CCDC191: variants seen among roughly 807,000 people sequenced by gnomAD.
The protein encoded by CCDC191 is coiled-coil domain containing 191, also known as coiled-coil domain-containing protein 191.
In CCDC191, 99 loss-of-function variants were observed where a neutral mutation model predicts 114.0. The observed-to-expected ratio is 0.87, with a 90% CI of 0.74 to 1.03. CCDC191 has a LOEUF of 1.03. Among genes scored for constraint, CCDC191 ranks in the 50% least tolerant of loss-of-function variants. The pLI is 0.00. For missense variants in CCDC191, 973 were observed against 1,087.0 expected (o/e 0.90, Z 1.47); for synonymous variants, 351 against 376.0 (o/e 0.93, Z 0.77).
intron 10 of CCDC191, among the ~76,000 whole-genome samples, chr3:114,005,007 C>G (rs2075925746): frequency 6.6e-6 from 1 of 152,208 alleles, no homozygotes; most frequent in Non-Finnish European, 1.5e-5. Flanking sequence ...TCTTATCCTA[C>G]CATTTACCAC....
At chr3:113,971,724 T>TGGAGGGAAGAA (rs1940844401) in intron 16 of CCDC191, among the ~76,000 whole-genome samples, 1 of 152,198 alleles carries the variant, frequency 6.6e-6, no homozygotes, top group East Asian at 1.9e-4. Flanking sequence ...TCTTCAGTTT[T>TGGAGGGAAGAA]TTTTTGAAGA....
At chr3:113,997,967 C>T (rs1390287417) in intron 13 of CCDC191, among the ~76,000 whole-genome samples, 1 of 151,440 alleles carries the variant, frequency 6.6e-6, no homozygotes, top group Non-Finnish European at 1.5e-5. Flanking sequence ...TTGAGAATGA[C>T]ACTATACTTT....
chr3:114,020,738 C>T (rs1365621517), intron 7 of CCDC191, among the ~76,000 whole-genome samples: 1 of 152,104 alleles, frequency 6.6e-6, no homozygotes, highest in Admixed American at 6.6e-5. Flanking sequence ...TTAAGAGATT[C>T]CTCTTGAATG....
chr3:113,975,954 C>G (rs1000471723), intron 16 of CCDC191, among the ~76,000 whole-genome samples: 1 of 152,166 alleles, frequency 6.6e-6, no homozygotes, highest in Non-Finnish European at 1.5e-5. Context: ...GACTATCTTA[C>G]TATTTTATAG....
At chr3:114,048,735 C>G (rs1306702028) in intron 2 of CCDC191, among the ~76,000 whole-genome samples, 2 of 152,188 alleles carry the variant, frequency 1.3e-5, no homozygotes, top group Non-Finnish European at 2.9e-5. Flanking sequence ...CTGATTGTCT[C>G]TATAGTACTT....
At chr3:114,025,739 T>A (rs1252257913) in intron 7 of CCDC191, among the ~76,000 whole-genome samples, 1 of 152,158 alleles carries the variant, frequency 6.6e-6, no homozygotes, top group Non-Finnish European at 1.5e-5. Flanking sequence ...TATCACCTTC[T>A]CTTTGCCTTC....
intron 2 of CCDC191, among the ~76,000 whole-genome samples, chr3:114,048,457 G>A (rs1177791165): frequency 2.0e-5 from 3 of 152,100 alleles, no homozygotes. Flanking sequence ...CAAGACTCTC[G>A]CTAATCTTCC....
At position 114,011,014 on chromosome 3, in the gene CCDC191, G is replaced by A. The variant is rs771382952; in HGVS notation, c.1171C>T (p.Gln391Ter). 1.2e-6 allele frequency: 2 copies of A among 1,610,172 alleles called. No individual in the cohort carries two copies. The highest frequency in any genetic ancestry group is 1.7e-5 in the Admixed American group (1 of 59,536). ...TTCCGGTTATACTCAGTGGCCAGTT[G>A]TTGTTTTCTAAGCAACAAAGCACTT... ...NDLREENRKQ[Q>*]LATEYNRKQV... is the part of the protein sequence containing the mutation. The change falls in exon 9 of 17, where the codon CAA becomes TAA. Residue 391 changes from glutamine to a stop codon, truncating the protein, a stop_gained. Coordinates refer to ENST00000295878, the MANE Select transcript of CCDC191 (RefSeq NM_020817.2). LOFTEE classifies it high-confidence loss of function.
intron 13 of CCDC191, chr3:113,984,311 CA>C (rs1315816295): frequency 6.6e-6 from 1 of 151,986 alleles, no homozygotes; most frequent in Non-Finnish European, 1.5e-5. Context: ...AATACCCGCC[CA>C]AATAGAAGAG....
chr3:113,988,998 A>T (rs1559886831), intron 13 of CCDC191, among the ~76,000 whole-genome samples: 1 of 152,060 alleles, frequency 6.6e-6, no homozygotes, highest in Admixed American at 6.5e-5. Flanking sequence ...GGGTTTCACC[A>T]TGTTAGCCAG....
At chr3:114,017,123 A>C (rs1413001910) in intron 8 of CCDC191, among the ~76,000 whole-genome samples, 1 of 147,146 alleles carries the variant, frequency 6.8e-6, no homozygotes, top group African/African-American at 2.5e-5. Flanking sequence ...TTTTTTTTTA[A>C]CCAAAGACTA....
intron 7 of CCDC191, among the ~76,000 whole-genome samples, chr3:114,026,555 T>C (rs774066589): frequency 1.3e-5 from 2 of 152,218 alleles, no homozygotes; most frequent in Non-Finnish European, 2.9e-5. Context: ...GGATGGTTGC[T>C]ATGTGTCAGC....
At chr3:113,977,028 A>C (rs1185516038) in intron 16 of CCDC191, among the ~76,000 whole-genome samples, 3 of 152,204 alleles carry the variant, frequency 2.0e-5, no homozygotes, top group Non-Finnish European at 4.4e-5. Context: ...CCCTCATGGC[A>C]ATAAGATAGG....
At chr3:114,048,059 G>A (rs1165353345) in intron 2 of CCDC191, among the ~76,000 whole-genome samples, 1 of 152,110 alleles carries the variant, frequency 6.6e-6, no homozygotes, top group Admixed American at 6.5e-5. Flanking sequence ...CATGATTGCT[G>A]TGTTTCTTCC....
intron 14 of CCDC191, among the ~76,000 whole-genome samples, chr3:113,979,832 A>G (rs1031221729): frequency 6.6e-6 from 1 of 152,218 alleles, no homozygotes; most frequent in Non-Finnish European, 1.5e-5. Context: ...AAAAGATGAG[A>G]TAACATTTTA....
intron 16 of CCDC191, among the ~76,000 whole-genome samples, chr3:113,970,781 T>C (rs917637746): frequency 1.3e-5 from 2 of 151,600 alleles, no homozygotes; most frequent in Admixed American, 6.6e-5. Context: ...TGTGTTCTCA[T>C]TGTCCAATTC....
In CCDC191 at chr3:114,005,766, A is replaced by T. The variant is rs1318070939; in HGVS notation, c.1610T>A (p.Leu537His). 1 of 1,613,942 alleles carries T rather than the reference A, an allele frequency of 6.2e-7. No homozygotes were observed. The highest frequency in any genetic ancestry group is 1.7e-5 in the Admixed American group (1 of 59,988). The change falls in exon 10 of 17, where the codon CTC (leucine) becomes CAC (histidine). Residue 537 changes from leucine to histidine, a missense_variant. Physicochemically the swap from Leu to His is moderately conservative, Grantham distance 99. Coordinates refer to ENST00000295878, the MANE Select transcript of CCDC191 (RefSeq NM_020817.2). The part of the protein sequence containing the change: ...PSQQPGSNET[L>H]RTTSQKAEPL... ...TTCTGCTTTCTGGCTGGTAGTTCTGAGTGTCTCGTTGCTGCCAGGCTGTTG... is the reference window on the plus strand; with the variant it reads ...TTCTGCTTTCTGGCTGGTAGTTCTGTGTGTCTCGTTGCTGCCAGGCTGTTG...
intron 7 of CCDC191, among the ~76,000 whole-genome samples, chr3:114,024,785 G>A (rs1449573209): frequency 6.6e-6 from 1 of 152,138 alleles, no homozygotes; most frequent in Non-Finnish European, 1.5e-5. Context: ...CACCAACATG[G>A]CACATATATA....
At chr3:113,987,536 C>T (rs187416684) in intron 13 of CCDC191, among the ~76,000 whole-genome samples, 2 of 152,178 alleles carry the variant, frequency 1.3e-5, no homozygotes, top group Admixed American at 1.3e-4. Context: ...TCTTTCACTA[C>T]ATGTAAAGTG....
Sources: gnomAD v4.1 joint callset for allele counts (sites outside exome capture counted in the v4.1 genomes callset) on GRCh38, gnomAD v4.1.1 for gene constraint, MANE v1.5 for transcripts, NCBI Gene and HGNC (gene_info 2026-07-23, HGNC 2026-07-21) for gene names.